Variants in SNX29 observed in about 807,000 individuals in gnomAD.
SNX29 encodes the protein sorting nexin 29.
In SNX29, 78 loss-of-function variants were observed where a neutral mutation model predicts 102.1. The observed-to-expected ratio is 0.76, with a 90% CI of 0.64 to 0.92. SNX29 has a LOEUF of 0.92. Ranked by LOEUF, SNX29 falls within the 40% of genes least tolerant of loss-of-function variation. The pLI is 0.00. For synonymous variants in SNX29, 580 were observed against 414.5 expected, an observed-to-expected ratio of 1.40 and a Z score of -4.85; for missense variants, 1,280 against 1,061.7, an observed-to-expected ratio of 1.21 and a Z score of -2.86.
At chr16:12,042,842 C>G (rs1481682405) in intron 4 of SNX29, 55 bp from the exon 5 acceptor site, 1 of 1,544,258 alleles carries the variant, frequency 6.5e-7, no homozygotes, top group East Asian at 2.3e-5. Flanking sequence ...GTGTTCCTCT[C>G]CCAGTGCTGA....
chr16:12,290,022 G>T (rs77079003), intron 15 of SNX29, among the ~76,000 whole-genome samples: 5,930 of 152,190 alleles, frequency 0.039, 195 homozygotes, highest in African/African-American at 0.085. Context: ...AGTGGAGAAC[G>T]CTGAGACAGG....
intron 20 of SNX29, among the ~76,000 whole-genome samples, chr16:12,553,671 A>T (rs541583974): frequency 6.9e-6 from 1 of 144,478 alleles, no homozygotes; most frequent in African/African-American, 2.6e-5. Context: ...GCTCACTGCA[A>T]CCTCCGCCTC....
intron 20 of SNX29, among the ~76,000 whole-genome samples, chr16:12,564,281 A>T (rs182149447): frequency 6.3e-4 from 96 of 152,324 alleles, no homozygotes; most frequent in Non-Finnish European, 1.2e-3. Context: ...TCTACCAGTA[A>T]AAGTTCCTAT....
intron 20 of SNX29, among the ~76,000 whole-genome samples, chr16:12,567,479 A>G (rs1027885487): frequency 3.9e-5 from 6 of 152,172 alleles, no homozygotes; most frequent in Admixed American, 1.3e-4. Flanking sequence ...AGCAAAAGGG[A>G]CTTTACAGAT....
At chr16:12,144,666 C>T (rs906794503) in intron 13 of SNX29, among the ~76,000 whole-genome samples, 7 of 152,238 alleles carry the variant, frequency 4.6e-5, no homozygotes, top group Non-Finnish European at 7.3e-5. Context: ...TTATAAATTA[C>T]CCAGCCTCAG....
chr16:11,983,222 C>T (rs970019610), intron 1 of SNX29, among the ~76,000 whole-genome samples: 5 of 148,402 alleles, frequency 3.4e-5, no homozygotes, highest in Non-Finnish European at 5.9e-5. Flanking sequence ...TGAGCCACTG[C>T]GCCTGGGTTA....
At chr16:12,089,595 G>A (rs1275964024) in intron 11 of SNX29, among the ~76,000 whole-genome samples, 1 of 152,182 alleles carries the variant, frequency 6.6e-6, no homozygotes, top group African/African-American at 2.4e-5. Context: ...GAGGTCTCAG[G>A]ATGGGGGGTT....
At chr16:12,386,080 C>T (rs1247724923) in intron 16 of SNX29, among the ~76,000 whole-genome samples, 1 of 152,244 alleles carries the variant, frequency 6.6e-6, no homozygotes, top group Admixed American at 6.5e-5. Context: ...AGACTGGCTG[C>T]ACACGGAGAC....
At chr16:12,526,415 T>A in intron 20 of SNX29, 7 of 394,020 alleles carry the variant, frequency 1.8e-5, no homozygotes, top group South Asian at 1.5e-4. Context: ...TTAGATTTTC[T>A]AATTGTTCCG....
chr16:12,218,689 T>C (rs564070114), intron 14 of SNX29, among the ~76,000 whole-genome samples: 2 of 152,348 alleles, frequency 1.3e-5, no homozygotes, highest in South Asian at 4.1e-4. Context: ...ATCTGCATAT[T>C]AGAGTCCATC....
intron 3 of SNX29, among the ~76,000 whole-genome samples, chr16:12,013,500 A>AAAAAAAAAAAAATATATATATAT: frequency 3.2e-5 from 1 of 31,632 alleles, no homozygotes; most frequent in Non-Finnish European, 6.1e-5. Flanking sequence ...AAAAAAAAAA[A>AAAAAAAAAAAAATATATATATAT]ATATATATAT....
chr16:12,530,069 C>T (rs1365880027), intron 20 of SNX29, among the ~76,000 whole-genome samples: 1 of 152,234 alleles, frequency 6.6e-6, no homozygotes, highest in Non-Finnish European at 1.5e-5. Context: ...CGGCACCGTT[C>T]CAACTACTCC....
At chr16:12,322,783 G>T (rs2080982425) in intron 15 of SNX29, among the ~76,000 whole-genome samples, 1 of 144,130 alleles carries the variant, frequency 6.9e-6, no homozygotes, top group Non-Finnish European at 1.5e-5. Context: ...GATGCAGTCA[G>T]TAGGGGGCCA....
At chr16:12,064,422 G>A (rs974973743) in intron 9 of SNX29, among the ~76,000 whole-genome samples, 12 of 152,198 alleles carry the variant, frequency 7.9e-5, no homozygotes, top group Non-Finnish European at 1.5e-4. Flanking sequence ...CTGTCAGCTC[G>A]CAGAGTCAGC....
chr16:12,408,950 A>C (rs1212644021), intron 18 of SNX29, among the ~76,000 whole-genome samples: 1 of 152,256 alleles, frequency 6.6e-6, no homozygotes, highest in Admixed American at 6.5e-5. Context: ...TTCTAGCAAG[A>C]AGTGCTGTGC....
chr16:12,081,241 A>C (rs1302675338), intron 11 of SNX29: 1 of 152,196 alleles, frequency 6.6e-6, no homozygotes, highest in African/African-American at 2.4e-5. Flanking sequence ...GCCTGTGGCA[A>C]GTATCTCAGT....
chr16:11,988,630 G>A (rs1443281357), intron 1 of SNX29, among the ~76,000 whole-genome samples: 1 of 151,862 alleles, frequency 6.6e-6, no homozygotes, highest in Non-Finnish European at 1.5e-5. Context: ...AAACTCCTAG[G>A]CTCAAGCAAT....
intron 19 of SNX29, among the ~76,000 whole-genome samples, chr16:12,520,739 C>T (rs190836784): frequency 6.3e-4 from 96 of 151,530 alleles, no homozygotes; most frequent in African/African-American, 2.2e-3. Flanking sequence ...TAAGCGGGAG[C>T]GAAGCTATGG....
At chr16:12,179,368 C>G (rs1268503799) in intron 13 of SNX29, among the ~76,000 whole-genome samples, 3 of 152,172 alleles carry the variant, frequency 2.0e-5, no homozygotes, top group Non-Finnish European at 2.9e-5. Context: ...ACCTGTAGGC[C>G]TAGCTACTCG....
Sources: gnomAD v4.1 joint callset for allele counts (sites outside exome capture counted in the v4.1 genomes callset) on GRCh38, gnomAD v4.1.1 for gene constraint, MANE v1.5 for transcripts, NCBI Gene and HGNC (gene_info 2026-07-23, HGNC 2026-07-21) for gene names.